The following ZNF521 variants were observed in gnomAD, a reference collection of about 807,000 sequenced individuals.
ZNF521 encodes the protein zinc finger protein 521.
Under a neutral mutation model 105.5 loss-of-function variants are expected in ZNF521, and 14 were observed. That is an observed-to-expected ratio of 0.13 (90% CI 0.09 to 0.21). The LOEUF is 0.21. Among genes scored for constraint, ZNF521 ranks in the 10% least tolerant of loss-of-function variants. The pLI is 1.00. For missense variants in ZNF521, 1,233 were observed against 1,629.7 expected (o/e 0.76, Z 4.19); for synonymous variants, 635 against 606.0 (o/e 1.05, Z -0.70).
intron 2 of ZNF521, among the ~76,000 whole-genome samples, chr18:25,338,283 G>GTGTGTGTC (rs1914006101): frequency 6.6e-6 from 1 of 151,706 alleles, no homozygotes; most frequent in East Asian, 1.9e-4. Context: ...GTGTGTGTGT[G>GTGTGTGTC]TGTGTGTGTG....
At chr18:25,207,228 A>T (rs774630853) in intron 4 of ZNF521, among the ~76,000 whole-genome samples, 1 of 152,150 alleles carries the variant, frequency 6.6e-6, no homozygotes, top group Non-Finnish European at 1.5e-5. Flanking sequence ...AGAGAGATGG[A>T]CTGACCTTGC....
At chr18:25,216,643 T>C (rs1905342751) in intron 4 of ZNF521, among the ~76,000 whole-genome samples, 1 of 152,122 alleles carries the variant, frequency 6.6e-6, no homozygotes, top group African/African-American at 2.4e-5. Flanking sequence ...ACTGCAGCCT[T>C]GAGCTCCTGG....
At chr18:25,187,905 A>G (rs2035754396) in intron 5 of ZNF521, among the ~76,000 whole-genome samples, 1 of 152,152 alleles carries the variant, frequency 6.6e-6, no homozygotes, top group Non-Finnish European at 1.5e-5. Flanking sequence ...CTGTCAAGTT[A>G]ACTCCAATTT....
chr18:25,133,887 G>A (rs1029614987), intron 5 of ZNF521, among the ~76,000 whole-genome samples: 1 of 151,982 alleles, frequency 6.6e-6, no homozygotes, highest in Admixed American at 6.6e-5. Flanking sequence ...GCCTGCAATA[G>A]AATATAGCTC....
At chr18:25,313,021 C>T (rs943054052) in intron 3 of ZNF521, among the ~76,000 whole-genome samples, 3 of 152,090 alleles carry the variant, frequency 2.0e-5, no homozygotes, top group Admixed American at 2.0e-4. Flanking sequence ...TAGTCAAGAA[C>T]AGTGGTCTCT....
intron 3 of ZNF521, among the ~76,000 whole-genome samples, chr18:25,286,621 C>A (rs558848916): frequency 6.6e-6 from 1 of 152,142 alleles, no homozygotes; most frequent in Non-Finnish European, 1.5e-5. Flanking sequence ...ATCTCATAGA[C>A]TATATATCTC....
chr18:25,084,380 A>G (rs1337373682), intron 7 of ZNF521, among the ~76,000 whole-genome samples: 1 of 151,000 alleles, frequency 6.6e-6, no homozygotes, highest in African/African-American at 2.4e-5. Flanking sequence ...CAATATGACC[A>G]TAACACTCAA....
chr18:25,205,189 A>C (rs1354576254), intron 4 of ZNF521, among the ~76,000 whole-genome samples: 2 of 149,492 alleles, frequency 1.3e-5, no homozygotes, highest in Admixed American at 6.7e-5. Context: ...AGCATGTGCT[A>C]ATTATTTTTG....
intron 3 of ZNF521, among the ~76,000 whole-genome samples, chr18:25,285,063 G>GAAA (rs746463852): frequency 7.7e-6 from 1 of 130,702 alleles, no homozygotes; most frequent in Non-Finnish European, 1.7e-5. Flanking sequence ...CCAGAAAAGG[G>GAAA]AAAAAAAAAA....
intron 7 of ZNF521, among the ~76,000 whole-genome samples, chr18:25,073,959 A>C (rs1276158114): frequency 6.6e-6 from 1 of 152,138 alleles, no homozygotes; most frequent in East Asian, 1.9e-4. Context: ...TAAAAATAAA[A>C]CTGTGAAAGG....
intron 4 of ZNF521, among the ~76,000 whole-genome samples, chr18:25,208,971 C>T (rs748536872): frequency 6.6e-6 from 1 of 152,104 alleles, no homozygotes; most frequent in African/African-American, 2.4e-5. Context: ...TGTAAAATTT[C>T]GAAGATAATC....
At chr18:25,327,703 G>A (rs749269406) in intron 2 of ZNF521, 22 of 518,564 alleles carry the variant, frequency 4.2e-5, no homozygotes, top group Non-Finnish European at 6.9e-5. Context: ...CCCATAAGAC[G>A]AAAACAGATT....
At chr18:25,344,899 T>G (rs1272039929) in intron 2 of ZNF521, among the ~76,000 whole-genome samples, 1 of 152,212 alleles carries the variant, frequency 6.6e-6, no homozygotes, top group Non-Finnish European at 1.5e-5. Flanking sequence ...ATGTGAATCC[T>G]GACAGATGAA....
intron 2 of ZNF521, among the ~76,000 whole-genome samples, chr18:25,330,005 C>T (rs1343623506): frequency 6.6e-6 from 1 of 152,130 alleles, no homozygotes; most frequent in Non-Finnish European, 1.5e-5. Context: ...TGCCAGGCAC[C>T]ATGCTTGGTG....
chr18:25,331,292 C>T (rs959892825), intron 2 of ZNF521, among the ~76,000 whole-genome samples: 1 of 150,952 alleles, frequency 6.6e-6, no homozygotes, highest in East Asian at 1.9e-4. Context: ...ACTAATTTCT[C>T]GATAGTAAAG....
At chr18:25,304,228 G>A (rs1911839495) in intron 3 of ZNF521, among the ~76,000 whole-genome samples, 1 of 152,172 alleles carries the variant, frequency 6.6e-6, no homozygotes, top group African/African-American at 2.4e-5. Flanking sequence ...ATCAAATACA[G>A]TCTCTTTGAG....
At chr18:25,112,718 A>G (rs1408038163) in intron 5 of ZNF521, among the ~76,000 whole-genome samples, 2 of 152,160 alleles carry the variant, frequency 1.3e-5, no homozygotes, top group Non-Finnish European at 2.9e-5. Flanking sequence ...CCACAAGCAC[A>G]TATTTTGATA....
In ZNF521 at chr18:25,252,527, C is replaced by CT. The variant is rs978985093; in HGVS notation, c.221-24831dup. On this transcript the variant is annotated intron_variant, in intron 3 of 7. Transcript: ENST00000361524. ...GAGGACTACATTGCAACTTATTTAC[C>CT]TTTTTTTTTTTCTTGAACAAAGCAA... 4.6e-4 allele frequency among the ~76,000 whole-genome samples: 68 copies of CT among 147,336 alleles called. 1 individual carries two copies. The highest frequency in any genetic ancestry group is 7.4e-4 in the Admixed American group (11 of 14,770).
At chr18:25,196,029 C>T (rs550585883) in intron 4 of ZNF521, among the ~76,000 whole-genome samples, 1 of 151,798 alleles carries the variant, frequency 6.6e-6, no homozygotes, top group South Asian at 2.1e-4. Context: ...ATTTCTGAAT[C>T]ATAAAGCAGC....
Sources: gnomAD v4.1 joint callset for allele counts (sites outside exome capture counted in the v4.1 genomes callset) on GRCh38, gnomAD v4.1.1 for gene constraint, MANE v1.5 for transcripts, NCBI Gene and HGNC (gene_info 2026-07-23, HGNC 2026-07-21) for gene names.